The following SCMH1 variants were observed in gnomAD, a reference collection of about 807,000 sequenced individuals.
SCMH1 encodes Scm polycomb group protein homolog 1.
SCMH1 carries 37 observed loss-of-function variants against 70.8 expected under a neutral mutation model. That is an observed-to-expected ratio of 0.52 (90% CI 0.40 to 0.69). The LOEUF is 0.69. SCMH1 is among the 30% of genes least tolerant of loss of function. The pLI, the probability that SCMH1 is intolerant of heterozygous loss-of-function variation, is 0.00. For missense variants in SCMH1, 607 were observed against 827.3 expected (o/e 0.73, Z 3.27); for synonymous variants, 292 against 307.4 (o/e 0.95, Z 0.52).
chr1:41,083,342 G>A (rs1250174372), intron 8 of SCMH1, among the ~76,000 whole-genome samples: 1 of 152,118 alleles, frequency 6.6e-6, no homozygotes, highest in African/African-American at 2.4e-5. Flanking sequence ...CAGACAAACA[G>A]AGAGCCAAAT....
rs558554575 is a variant in SCMH1 at position 41,106,185 on chromosome 1, G to A, written c.745+7098C>T. On this transcript the variant is annotated intron_variant, in intron 8 of 14. Coordinates refer to ENST00000337495, the Ensembl canonical transcript of SCMH1. ...CCACCACGCCCAGCCAATAGTTCTT[G>A]ATTTAGTTTGGATATTTTGTCCCTG... Among the ~76,000 whole-genome samples the A allele has an allele frequency of 7.2e-5, 11 of 151,756 alleles. No individual in the cohort carries two copies. The South Asian group carries it at 2.3e-3, about 32-fold the overall frequency.
intron 1 of SCMH1, among the ~76,000 whole-genome samples, chr1:41,234,472 T>G (rs1317539538): frequency 3.2e-5 from 4 of 125,474 alleles, no homozygotes; most frequent in African/African-American, 1.2e-4. Flanking sequence ...TTTTTTTTTT[T>G]TTTTTTTTTT....
At chr1:41,223,030 T>C (rs1231317845) in intron 1 of SCMH1, among the ~76,000 whole-genome samples, 13 of 152,176 alleles carry the variant, frequency 8.5e-5, no homozygotes, top group African/African-American at 2.7e-4. Context: ...GTGAGGTTGC[T>C]TCATGTTTAT....
intron 6 of SCMH1, among the ~76,000 whole-genome samples, chr1:41,137,373 G>A (rs957055979): frequency 6.6e-6 from 1 of 152,126 alleles, no homozygotes; most frequent in African/African-American, 2.4e-5. Flanking sequence ...GTTCAACTAA[G>A]AGCTATTTAG....
intron 10 of SCMH1, among the ~76,000 whole-genome samples, chr1:41,065,340 G>A (rs1442057963): frequency 1.3e-5 from 2 of 152,182 alleles, no homozygotes; most frequent in African/African-American, 4.8e-5. Flanking sequence ...ATAGTGGCAT[G>A]TGCCTGTAGT....
At chr1:41,159,671 T>C (rs1483896551) in intron 4 of SCMH1, 10 of 1,496,668 alleles carry the variant, frequency 6.7e-6, no homozygotes, top group Non-Finnish European at 8.0e-6. Context: ...TTGAGGAAAG[T>C]TTTAAAGAAT....
chr1:41,240,095 T>A (rs1280647540), intron 1 of SCMH1, among the ~76,000 whole-genome samples: 2 of 152,244 alleles, frequency 1.3e-5, no homozygotes, highest in African/African-American at 4.8e-5. Flanking sequence ...TTTACCCAAC[T>A]TACATAAAAG....
Position 41,186,109 on chromosome 1 carries a change from A to G in SCMH1, c.13+12T>C. 1 of 1,546,894 alleles carries G rather than the reference A, an allele frequency of 6.5e-7. No individual in the cohort carries two copies. The highest frequency in any genetic ancestry group is 8.7e-7 in the Non-Finnish European group (1 of 1,143,988). ...CCCTCTTACCTCCACGATAGGGTAA[A>G]AAGATACTTACCATTAGGCTGCATA... On this transcript the variant is annotated intron_variant, in intron 2 of 14. Transcript: ENST00000337495.
At chr1:41,117,080 C>A in intron 6 of SCMH1, 70 bp from the exon 7 acceptor site, 1 of 1,417,196 alleles carries the variant, frequency 7.1e-7, no homozygotes, top group Non-Finnish European at 9.6e-7. Context: ...GGGTGGCAAG[C>A]CACCCAGGTG....
intron 8 of SCMH1, among the ~76,000 whole-genome samples, chr1:41,110,137 G>A (rs917936728): frequency 2.0e-5 from 3 of 152,168 alleles, no homozygotes; most frequent in Non-Finnish European, 4.4e-5. Flanking sequence ...ATCACAGAGA[G>A]GAGTGGCACT....
chr1:41,186,017 A>C lies in SCMH1; in HGVS notation c.13+104T>G, dbSNP rs745442152. ...AAATGACATCATGGCTATAAAGAAA[A>C]GGATAACGAGTAGTCTAATTATTCG... On this transcript the variant is annotated intron_variant, in intron 2 of 14. Coordinates refer to ENST00000337495, the Ensembl canonical transcript of SCMH1. The C allele has an allele frequency of 2.5e-4, 313 of 1,243,176 alleles. No individual in the cohort carries two copies. The Middle Eastern group carries it at 3.0e-3, about 12-fold the overall frequency. The allele number at this position is 1,243,176 out of a possible 1,614,324, so 77.0% of individuals were successfully genotyped here.
At chr1:41,145,796 G>A (rs188642158) in intron 5 of SCMH1, among the ~76,000 whole-genome samples, 1 of 152,238 alleles carries the variant, frequency 6.6e-6, no homozygotes, top group African/African-American at 2.4e-5. Flanking sequence ...GCTGTCTTAA[G>A]GTCCTAGAGC....
chr1:41,147,084 A>G (rs371546276), intron 5 of SCMH1, among the ~76,000 whole-genome samples: 40 of 152,174 alleles, frequency 2.6e-4, no homozygotes, highest in African/African-American at 9.4e-4. Context: ...TCTTTTGAAA[A>G]TCAGAGCCAT....
chr1:41,125,694 C>T (rs1315194106), intron 6 of SCMH1, among the ~76,000 whole-genome samples: 6 of 151,740 alleles, frequency 4.0e-5, no homozygotes, highest in African/African-American at 1.2e-4. Flanking sequence ...CCACCTCAGT[C>T]TCCCAAGTAG....
intron 5 of SCMH1, among the ~76,000 whole-genome samples, chr1:41,148,732 C>T (rs1644808299): frequency 6.6e-6 from 1 of 152,010 alleles, no homozygotes. Flanking sequence ...TAGTTTTCTT[C>T]TATTATCTTT....
At chr1:41,029,807 G>A (rs892517065) in intron 13 of SCMH1, among the ~76,000 whole-genome samples, 1 of 152,102 alleles carries the variant, frequency 6.6e-6, no homozygotes, top group Non-Finnish European at 1.5e-5. Flanking sequence ...GAAATAAATG[G>A]TCTCACAAAG....
At chr1:41,061,545 T>C (rs1176177326) in intron 10 of SCMH1, among the ~76,000 whole-genome samples, 2 of 152,158 alleles carry the variant, frequency 1.3e-5, no homozygotes, top group Non-Finnish European at 2.9e-5. Context: ...CCTTAATGTG[T>C]GTATACCTAA....
chr1:41,148,525 C>A (rs1244898428), intron 5 of SCMH1, among the ~76,000 whole-genome samples: 1 of 152,076 alleles, frequency 6.6e-6, no homozygotes, highest in Non-Finnish European at 1.5e-5. Context: ...CTGCAGTAGT[C>A]CAGGTTGACA....
chr1:41,238,885 T>A (rs1342956783), intron 1 of SCMH1, among the ~76,000 whole-genome samples: 1 of 152,184 alleles, frequency 6.6e-6, no homozygotes, highest in Non-Finnish European at 1.5e-5. Flanking sequence ...ATTGAACTCA[T>A]CATCGTTTCC....
Sources: allele counts gnomAD v4.1 joint callset (sites outside exome capture counted in the v4.1 genomes callset), GRCh38; gene constraint gnomAD v4.1.1; transcripts MANE v1.5; gene names NCBI Gene and HGNC (gene_info 2026-07-23, HGNC 2026-07-21).